ADK: variants seen among roughly 807,000 people sequenced by gnomAD.
ADK encodes the protein N6,N6-dimethyladenosine kinase.
ADK carries 24 observed loss-of-function variants against 44.7 expected under a neutral mutation model. That is an observed-to-expected ratio of 0.54 (90% CI 0.39 to 0.76). ADK has a LOEUF of 0.76. ADK is among the 30% of genes least tolerant of loss of function. The pLI is 0.00. For missense variants in ADK, 321 were observed against 425.1 expected (o/e 0.76, Z 2.15); for synonymous variants, 128 against 142.6 (o/e 0.90, Z 0.73).
intron 3 of ADK, among the ~76,000 whole-genome samples, chr10:74,301,972 G>A (rs1252732593): frequency 2.6e-5 from 4 of 151,828 alleles, no homozygotes; most frequent in Admixed American, 6.6e-5. Flanking sequence ...TCAGCAGAGT[G>A]TGTCCTGTAC....
At chr10:74,257,048 TAAATA>T (rs1845850508) in intron 3 of ADK, among the ~76,000 whole-genome samples, 1 of 152,210 alleles carries the variant, frequency 6.6e-6, no homozygotes, top group South Asian at 2.1e-4. Flanking sequence ...TTTAATTTGT[TAAATA>T]AAAGTGTGAT....
At chr10:74,635,820 A>C (rs1488373344) in intron 9 of ADK, among the ~76,000 whole-genome samples, 1 of 151,944 alleles carries the variant, frequency 6.6e-6, no homozygotes, top group Non-Finnish European at 1.5e-5. Context: ...GCAGTGGCTC[A>C]CACCTGTAAT....
intron 7 of ADK, among the ~76,000 whole-genome samples, chr10:74,578,921 A>G (rs1851285217): frequency 6.6e-6 from 1 of 152,156 alleles, no homozygotes; most frequent in East Asian, 1.9e-4. Context: ...TGGTGGCTAC[A>G]TCTTAGCCAC....
At chr10:74,646,274 T>C (rs1854050424) in intron 9 of ADK, among the ~76,000 whole-genome samples, 1 of 152,198 alleles carries the variant, frequency 6.6e-6, no homozygotes, top group Non-Finnish European at 1.5e-5. Flanking sequence ...TGGCAAGTTA[T>C]GATTCTTCAG....
chr10:74,433,631 A>G (rs1845075789), intron 6 of ADK, among the ~76,000 whole-genome samples: 1 of 152,258 alleles, frequency 6.6e-6, no homozygotes, highest in African/African-American at 2.4e-5. Flanking sequence ...TAATATAAAC[A>G]GTATAGAGTG....
At position 74,525,257 on chromosome 10, in the gene ADK, G is replaced by A; in HGVS notation, c.557G>A (p.Gly186Asp). 6.2e-7 allele frequency: 1 copy of A among 1,613,464 alleles called. No homozygotes were observed. Among genetic ancestry groups the A allele is most frequent in the Non-Finnish European group, 8.5e-7 (1 of 1,179,752 alleles). The change falls in exon 7 of 11, where the codon GGC (glycine) becomes GAC (aspartate). Residue 186 changes from glycine (G) to aspartate (D), a missense_variant and splice_region_variant. Coordinates refer to ENST00000539909, the MANE Select transcript of ADK (RefSeq NM_006721.4). ...VEKARVCYIA[G>D]FFLTVSPESV... ...TTCCCTCCTTTTTTCTTCATCCAGG[G>A]CTTTTTTCTTACAGTTTCCCCAGAG... is the stretch of plus-strand genomic sequence containing the variant.
At chr10:74,377,843 T>C (rs1842861203) in intron 4 of ADK, among the ~76,000 whole-genome samples, 2 of 152,166 alleles carry the variant, frequency 1.3e-5, no homozygotes, top group African/African-American at 4.8e-5. Flanking sequence ...GAAACTTCGT[T>C]TTTAAAGTTT....
At chr10:74,466,350 ATT>A (rs1187352488) in intron 6 of ADK, among the ~76,000 whole-genome samples, 1 of 152,178 alleles carries the variant, frequency 6.6e-6, no homozygotes, top group Non-Finnish European at 1.5e-5. Flanking sequence ...TTAAAAAATT[ATT>A]TTGTTTCGAT....
chr10:74,652,061 T>C (rs1854295105), intron 9 of ADK, among the ~76,000 whole-genome samples: 1 of 151,388 alleles, frequency 6.6e-6, no homozygotes, highest in Non-Finnish European at 1.5e-5. Flanking sequence ...TTTTTTTTTT[T>C]TTTTGAGACA....
chr10:74,403,838 T>A (rs1418273561), intron 6 of ADK, among the ~76,000 whole-genome samples: 2 of 152,142 alleles, frequency 1.3e-5, no homozygotes, highest in African/African-American at 4.8e-5. Flanking sequence ...CGCTGGGAGC[T>A]GTAGAATGGA....
intron 6 of ADK, among the ~76,000 whole-genome samples, chr10:74,437,583 A>T (rs1845224874): frequency 6.6e-6 from 1 of 152,078 alleles, no homozygotes; most frequent in South Asian, 2.1e-4. Flanking sequence ...CTCTTCTTTT[A>T]TCAGCAATTA....
chr10:74,188,987 G>A lies in ADK; in HGVS notation c.66-11777G>A, dbSNP rs539059190. 1.1e-4 allele frequency among the ~76,000 whole-genome samples: 17 copies of A among 152,204 alleles called. 1 individual carries two copies. In the South Asian group the frequency reaches 3.5e-3, roughly 32 times the overall value. On this transcript the variant is annotated intron_variant, in intron 1 of 10. Transcript: ENST00000539909. ...GGGGTTTTACCATGTTGGCCAGGCT[G>A]GTCTCTAACTCCTGACCTCGTGATC... is the stretch of plus-strand genomic sequence containing the variant.
Position 74,189,025 on chromosome 10 carries a change from C to T in ADK, c.66-11739C>T, listed in dbSNP as rs1394477136. Among the ~76,000 whole-genome samples the T allele has an allele frequency of 2.0e-5, 3 of 152,074 alleles. No homozygotes were observed. In the East Asian group the frequency reaches 5.8e-4, roughly 29 times the overall value. ...TGACCTCGTGATCCGCCCACCTTGGCCCCCCAAAGTGCCACCGCTCCCAGC... is the reference window on the plus strand; with the variant it reads ...TGACCTCGTGATCCGCCCACCTTGGTCCCCCAAAGTGCCACCGCTCCCAGC... On this transcript the variant is annotated intron_variant, in intron 1 of 10. Transcript: ENST00000539909.
At chr10:74,473,151 A>G (rs1300901114) in intron 6 of ADK, among the ~76,000 whole-genome samples, 3 of 149,116 alleles carry the variant, frequency 2.0e-5, no homozygotes, top group Non-Finnish European at 4.5e-5. Flanking sequence ...CACCATGCCT[A>G]ATATAAATAT....
intron 4 of ADK, among the ~76,000 whole-genome samples, chr10:74,339,378 C>T (rs1483116333): frequency 6.6e-6 from 1 of 152,198 alleles, no homozygotes. Flanking sequence ...TTGATTTCTT[C>T]AAAATTCTTT....
At chr10:74,265,576 T>C (rs559852181) in intron 3 of ADK, among the ~76,000 whole-genome samples, 58 of 151,698 alleles carry the variant, frequency 3.8e-4, no homozygotes, top group African/African-American at 1.3e-3. Flanking sequence ...TGTGATGATA[T>C]TTGAGAAAAG....
intron 4 of ADK, among the ~76,000 whole-genome samples, chr10:74,325,462 G>A (rs1410260069): frequency 6.6e-6 from 1 of 152,034 alleles, no homozygotes; most frequent in Non-Finnish European, 1.5e-5. Context: ...TTTCCAATTT[G>A]TATGCCTTTT....
intron 6 of ADK, among the ~76,000 whole-genome samples, chr10:74,513,667 T>C (rs972545657): frequency 1.3e-5 from 2 of 152,174 alleles, no homozygotes; most frequent in Non-Finnish European, 2.9e-5. Flanking sequence ...TGGGTCTTGT[T>C]TTTTTAAAAT....
At chr10:74,372,846 CTTAAAA>C (rs1842704686) in intron 4 of ADK, among the ~76,000 whole-genome samples, 1 of 152,094 alleles carries the variant, frequency 6.6e-6, no homozygotes. Context: ...ACAAGCTGCT[CTTAAAA>C]TTAATATGGA....
Sources: allele counts gnomAD v4.1 joint callset (sites outside exome capture counted in the v4.1 genomes callset), GRCh38; gene constraint gnomAD v4.1.1; transcripts MANE v1.5; gene names NCBI Gene and HGNC (gene_info 2026-07-23, HGNC 2026-07-21).